The following FRMPD4 variants were observed in gnomAD, a reference collection of about 807,000 sequenced individuals.
FRMPD4 encodes the protein FERM and PDZ domain-containing protein 4.
Under a neutral mutation model 94.1 loss-of-function variants are expected in FRMPD4, and 22 were observed. That is an observed-to-expected ratio of 0.23 (90% CI 0.17 to 0.33). The LOEUF (loss-of-function observed/expected upper bound fraction) is 0.33. FRMPD4 is among the 10% of genes least tolerant of loss of function. The probability of loss-of-function intolerance (pLI) is 1.00; values close to 1 mark genes in which losing one functional copy is unlikely to be tolerated. For synonymous variants in FRMPD4, 631 were observed against 548.6 expected (o/e 1.15, Z -2.10); for missense variants, 1,111 against 1,339.9 (o/e 0.83, Z 2.67).
chrX:12,507,836 A>G lies in FRMPD4; in HGVS notation c.158+9040A>G, dbSNP rs962862943. On this transcript the variant is annotated intron_variant, in intron 2 of 16. Coordinates refer to ENST00000675598, the MANE Select transcript of FRMPD4 (RefSeq NM_001368397.1). The stretch of plus-strand genomic sequence containing the variant: ...GTACAACTTTTAATATGAAAATGCC[A>G]TGACTCCTCCCTTCCTTTTGGTGGG... 2.7e-5 allele frequency among the ~76,000 whole-genome samples: 3 copies of G among 111,559 alleles called. No individual in the cohort carries two copies. The Admixed American group carries it at 2.9e-4, about 11-fold the overall frequency.
intron 1 of FRMPD4, among the ~76,000 whole-genome samples, chrX:11,859,750 T>C (rs1433846462): frequency 8.9e-6 from 1 of 112,228 alleles, no homozygotes; most frequent in African/African-American, 3.2e-5. Flanking sequence ...TTTGTTTGTT[T>C]GTTTTCAGTT....
chrX:11,891,730 T>C (rs2053874842), intron 3 of FRMPD4, among the ~76,000 whole-genome samples: 1 of 112,223 alleles, frequency 8.9e-6, no homozygotes, highest in South Asian at 3.7e-4. Context: ...TAATTTTATC[T>C]CCTCATAGGG....
At chrX:12,130,656 C>T (rs568680695) in intron 3 of FRMPD4, among the ~76,000 whole-genome samples, 9 of 110,911 alleles carry the variant, frequency 8.1e-5, no homozygotes, top group South Asian at 3.9e-4. Context: ...CTCAAGTCTG[C>T]CATTTTTGTA....
At chrX:12,676,904 T>C (rs2059905892) in intron 5 of FRMPD4, among the ~76,000 whole-genome samples, 1 of 112,074 alleles carries the variant, frequency 8.9e-6, no homozygotes, top group African/African-American at 3.2e-5. Flanking sequence ...CACTTTCCCC[T>C]TGCCCAATCA....
chrX:12,272,915 T>C (rs1453503650), intron 1 of FRMPD4, among the ~76,000 whole-genome samples: 2 of 109,760 alleles, frequency 1.8e-5, no homozygotes, highest in African/African-American at 6.6e-5. Flanking sequence ...CTAAAAAAGA[T>C]ACAATAATTA....
intron 1 of FRMPD4, among the ~76,000 whole-genome samples, chrX:12,182,599 C>T (rs1304424315): frequency 3.7e-5 from 4 of 109,089 alleles, no homozygotes; most frequent in Non-Finnish European, 7.6e-5. Context: ...TATGTCATCA[C>T]TTTCTGTCTT....
chrX:11,881,039 A>G (rs1324892789), intron 3 of FRMPD4, among the ~76,000 whole-genome samples: 1 of 112,462 alleles, frequency 8.9e-6, no homozygotes, highest in Non-Finnish European at 1.9e-5. Context: ...ACCACATTGC[A>G]AAATGCTGGA....
intron 1 of FRMPD4, among the ~76,000 whole-genome samples, chrX:12,216,007 A>T (rs747319999): frequency 1.8e-5 from 2 of 112,575 alleles, no homozygotes; most frequent in African/African-American, 6.4e-5. Flanking sequence ...TCAGATATTT[A>T]TTATCCAGCC....
chrX:12,141,912 A>G (rs1042524764), intron 1 of FRMPD4, among the ~76,000 whole-genome samples: 2 of 112,031 alleles, frequency 1.8e-5, no homozygotes, highest in Admixed American at 1.9e-4. Flanking sequence ...CTTTGTATTG[A>G]CTATTTTATT....
chrX:11,869,343 G>C (rs1006009636), intron 2 of FRMPD4, among the ~76,000 whole-genome samples: 1 of 111,742 alleles, frequency 8.9e-6, no homozygotes, highest in Non-Finnish European at 1.9e-5. Context: ...CAGGGGCTTT[G>C]CTAATTGTAA....
chrX:12,130,413 G>A (rs2055542551), intron 3 of FRMPD4, among the ~76,000 whole-genome samples: 1 of 110,620 alleles, frequency 9.0e-6, no homozygotes, highest in African/African-American at 3.3e-5. Context: ...GATGGGAGGT[G>A]GGTCCTCAGG....
At chrX:12,139,203 T>C (rs1048883882) in intron 1 of FRMPD4, among the ~76,000 whole-genome samples, 191 bp downstream of exon 1, 1 of 110,529 alleles carries the variant, frequency 9.0e-6, no homozygotes, top group Non-Finnish European at 1.9e-5. Context: ...GCGGCGGGTG[T>C]AGACCACACA....
At chrX:12,545,431 G>C (rs1368253894) in intron 2 of FRMPD4, among the ~76,000 whole-genome samples, 2 of 112,466 alleles carry the variant, frequency 1.8e-5, no homozygotes, top group Non-Finnish European at 3.8e-5. Flanking sequence ...TGCAGAATAA[G>C]AGCTTTTCTC....
At chrX:12,348,550 C>G (rs1167007420) in intron 1 of FRMPD4, among the ~76,000 whole-genome samples, 8 of 104,210 alleles carry the variant, frequency 7.7e-5, no homozygotes, top group African/African-American at 2.5e-4. Context: ...CTGGGTCTCC[C>G]ACTTCCCAAT....
intron 1 of FRMPD4, among the ~76,000 whole-genome samples, chrX:12,254,613 C>T (rs111545014): frequency 8.9e-5 from 10 of 112,089 alleles, no homozygotes; most frequent in Non-Finnish European, 1.9e-4. Context: ...TAGACTGTCT[C>T]CTTGTCCTCA....
In FRMPD4 at chrX:12,511,543, GA is replaced by G. The variant is rs1161468927; in HGVS notation, c.158+12757del. Among the ~76,000 whole-genome samples the G allele has an allele frequency of 9.9e-3, 986 of 99,747 alleles. 15 individuals are homozygous for G. Among genetic ancestry groups the G allele is most frequent in the African/African-American group, 0.033 (900 of 27,648 alleles). 86.6% of individuals were successfully genotyped at this position (99,747 alleles called of 115,157 possible). Reference sequence around the variant, plus strand: ...TTTCAACAGAAGACTGGATTTGACAGAAAAAAAAAACAAACTTAAAGACAGA... The same window carrying G: ...TTTCAACAGAAGACTGGATTTGACAGAAAAAAAAACAAACTTAAAGACAGA... On this transcript the variant is annotated intron_variant, in intron 2 of 16. Coordinates refer to ENST00000675598, the MANE Select transcript of FRMPD4 (RefSeq NM_001368397.1).
chrX:12,094,630 G>A (rs745865099), intron 3 of FRMPD4, among the ~76,000 whole-genome samples: 84 of 112,158 alleles, frequency 7.5e-4, no homozygotes, highest in African/African-American at 2.7e-3. Flanking sequence ...AGGTCAGACT[G>A]CCTGCGTTTG....
intron 3 of FRMPD4, among the ~76,000 whole-genome samples, chrX:11,963,964 T>A (rs775580390): frequency 9.0e-6 from 1 of 111,551 alleles, no homozygotes; most frequent in South Asian, 3.8e-4. Flanking sequence ...AAACTCTTCA[T>A]TGATTTGCTC....
At chrX:12,249,139 T>C (rs776153108) in intron 1 of FRMPD4, among the ~76,000 whole-genome samples, 8 of 113,079 alleles carry the variant, frequency 7.1e-5, no homozygotes, top group African/African-American at 2.6e-4. Context: ...TGTATTTGAT[T>C]TTGATGACTG....
Sources: gnomAD v4.1 joint callset for allele counts (sites outside exome capture counted in the v4.1 genomes callset) on GRCh38, gnomAD v4.1.1 for gene constraint, MANE v1.5 for transcripts, NCBI Gene and HGNC (gene_info 2026-07-23, HGNC 2026-07-21) for gene names.